Variants in AK5 observed in about 807,000 individuals in gnomAD.
AK5 encodes adenylate kinase 5, also known as adenylate kinase isoenzyme 5.
AK5 carries 27 observed loss-of-function variants against 69.5 expected under a neutral mutation model. The observed-to-expected ratio is 0.39, with a 90% CI of 0.29 to 0.54. The LOEUF is 0.54. Among genes scored for constraint, AK5 ranks in the 20% least tolerant of loss-of-function variants. The pLI is 0.71. For synonymous variants in AK5, 260 were observed against 244.4 expected (o/e 1.06, Z -0.60); for missense variants, 531 against 700.4 (o/e 0.76, Z 2.73).
chr1:77,284,576 A>G (rs1355992562), intron 1 of AK5, among the ~76,000 whole-genome samples: 1 of 152,158 alleles, frequency 6.6e-6, no homozygotes, highest in East Asian at 1.9e-4. Flanking sequence ...CCAGTTTTAG[A>G]CTTTTTTAAA....
intron 8 of AK5, among the ~76,000 whole-genome samples, chr1:77,424,338 G>A (rs898867377): frequency 7.2e-5 from 11 of 152,034 alleles, no homozygotes; most frequent in Admixed American, 1.3e-4. Flanking sequence ...ATAGCTCACT[G>A]CAGCCTTGAG....
intron 7 of AK5, among the ~76,000 whole-genome samples, chr1:77,415,279 C>T (rs1407262900): frequency 6.6e-6 from 1 of 152,154 alleles, no homozygotes; most frequent in African/African-American, 2.4e-5. Flanking sequence ...GTTTAAGAGC[C>T]TTTCACATTG....
chr1:77,407,019 G>C lies in AK5; in HGVS notation c.892-3962G>C, dbSNP rs1649701945. ...CAACAAGGTCAAATTGTCAATGTCT[G>C]GCATCCAGTAAAAAATTACCAGGCA... On this transcript the variant is annotated intron_variant, in intron 6 of 13. Transcript: ENST00000354567. Among the ~76,000 whole-genome samples, 3 of 151,640 alleles carry C rather than the reference G, an allele frequency of 2.0e-5. No homozygotes were observed. The East Asian group carries it at 5.8e-4, about 29-fold the overall frequency.
chr1:77,558,731 A>C lies in AK5; in HGVS notation c.*61A>C. On this transcript the variant is annotated 3_prime_UTR_variant, in exon 14 of 14. Transcript: ENST00000354567. ...AAAACATTAAAAAGTTCATTCCTTA[A>C]CACAATGTTTCAAGTTAAACCTTTT... 8.3e-7 allele frequency: 1 copy of C among 1,206,740 alleles called. No individual in the cohort carries two copies. Among genetic ancestry groups the C allele is most frequent in the Non-Finnish European group, 1.2e-6 (1 of 813,796 alleles). The allele number at this position is 1,206,740 out of a possible 1,614,324, so 74.8% of individuals were successfully genotyped here. A position where few individuals can be genotyped will look rare whatever the true frequency, so the allele number is the denominator to read the frequency against.
chr1:77,449,601 G>A (rs1229230250), intron 8 of AK5, among the ~76,000 whole-genome samples: 1 of 152,184 alleles, frequency 6.6e-6, no homozygotes, highest in African/African-American at 2.4e-5. Context: ...CTGTTGAGAA[G>A]GCATGATTGG....
chr1:77,359,151 A>G lies in AK5; in HGVS notation c.891+18583A>G, dbSNP rs549520549. ...GTGCCTGTAGTCCCAGCTACTCAGG[A>G]GGCTGAGGCAGAAGAATGGCGTGAA... On this transcript the variant is annotated intron_variant, in intron 6 of 13. Coordinates refer to ENST00000354567, the MANE Select transcript of AK5 (RefSeq NM_174858.3). 5.0e-3 allele frequency among the ~76,000 whole-genome samples: 759 copies of G among 151,998 alleles called. 6 individuals are homozygous for G. Among genetic ancestry groups the G allele is most frequent in the Middle Eastern group, 0.024 (7 of 292 alleles).
At chr1:77,491,709 T>TTTAA in intron 10 of AK5, among the ~76,000 whole-genome samples, 1 of 152,356 alleles carries the variant, frequency 6.6e-6, no homozygotes, top group Admixed American at 6.5e-5. Context: ...CTCGGATTAT[T>TTTAA]TTAACTCAGT....
intron 6 of AK5, among the ~76,000 whole-genome samples, chr1:77,372,757 ATGTG>A (rs79604774): frequency 1.4e-5 from 2 of 139,174 alleles, no homozygotes. Flanking sequence ...TCTAAATAAA[ATGTG>A]TGTGTGTGTG....
chr1:77,436,163 T>G (rs1014880170), intron 8 of AK5, among the ~76,000 whole-genome samples: 1 of 152,170 alleles, frequency 6.6e-6, no homozygotes, highest in African/African-American at 2.4e-5. Context: ...ACTGGTTCCT[T>G]TCTGTCTTGT....
chr1:77,491,936 C>T (rs1311776497), intron 10 of AK5, among the ~76,000 whole-genome samples: 1 of 152,164 alleles, frequency 6.6e-6, no homozygotes, highest in Admixed American at 6.5e-5. Flanking sequence ...GCAAAAATCA[C>T]TGCCTGTTGT....
chr1:77,340,489 C>T lies in AK5; in HGVS notation c.812C>T (p.Thr271Ile), dbSNP rs867016022. The change falls in exon 6 of 14, where the codon ACC becomes ATC. Residue 271 changes from threonine to isoleucine, a missense_variant. By Grantham distance (89) the Thr-to-Ile change is moderately conservative. Transcript: ENST00000354567. Reference sequence around the variant, plus strand: ...CGACCAGACGACAATGTAAAAGCTACCCAAAGGAGACTAATGAACTTCAAG... The same window carrying T: ...CGACCAGACGACAATGTAAAAGCTATCCAAAGGAGACTAATGAACTTCAAG... ...QGRPDDNVKA[T>I]QRRLMNFKQN... 6.2e-7 allele frequency: 1 copy of T among 1,614,094 alleles called. No individual in the cohort carries two copies. The highest frequency in any genetic ancestry group is 8.5e-7 in the Non-Finnish European group (1 of 1,179,990).
At chr1:77,441,433 C>G (rs1040306465) in intron 8 of AK5, among the ~76,000 whole-genome samples, 7 of 152,156 alleles carry the variant, frequency 4.6e-5, no homozygotes, top group African/African-American at 1.7e-4. Context: ...TCCAAACTTT[C>G]TAGAGTGGCT....
chr1:77,503,821 C>T (rs1279560464), intron 10 of AK5, among the ~76,000 whole-genome samples: 1 of 151,694 alleles, frequency 6.6e-6, no homozygotes, highest in Non-Finnish European at 1.5e-5. Context: ...AGGAGAATTG[C>T]TTGAACCCAG....
intron 10 of AK5, among the ~76,000 whole-genome samples, chr1:77,494,720 T>G (rs576806089): frequency 6.6e-6 from 1 of 152,076 alleles, no homozygotes; most frequent in Non-Finnish European, 1.5e-5. Flanking sequence ...AATAGCAAGA[T>G]TAAAACTAAC....
chr1:77,537,425 G>C (rs780501922), intron 13 of AK5, among the ~76,000 whole-genome samples: 4 of 152,174 alleles, frequency 2.6e-5, no homozygotes, highest in Non-Finnish European at 5.9e-5. Context: ...TACCAAAGGG[G>C]CAGGAATAAT....
rs551466249 is a variant in AK5 at position 77,450,033 on chromosome 1, C to G, written c.1059+32318C>G. On this transcript the variant is annotated intron_variant, in intron 8 of 13. Transcript: ENST00000354567. ...ACCAGATACCCTAAGTCATCTCTCT[C>G]AAGTTCAAAGTTCCACAAATCTCTA... Among the ~76,000 whole-genome samples the G allele has an allele frequency of 3.9e-5, 6 of 152,272 alleles. No individual in the cohort carries two copies. The South Asian group carries it at 8.3e-4, about 21-fold the overall frequency.
chr1:77,477,795 T>C (rs1260214746), intron 8 of AK5, among the ~76,000 whole-genome samples: 3 of 152,144 alleles, frequency 2.0e-5, no homozygotes, highest in Admixed American at 2.0e-4. Flanking sequence ...TAAGCCCCTT[T>C]CTCATAACCC....
chr1:77,313,724 T>A (rs2100300635), intron 5 of AK5: 4 of 473,858 alleles, frequency 8.4e-6, no homozygotes, highest in Admixed American at 2.3e-5. Context: ...TTGCTTTCCG[T>A]ACCCTGTGGT....
intron 10 of AK5, among the ~76,000 whole-genome samples, chr1:77,513,938 A>G (rs1657495673): frequency 6.6e-6 from 1 of 152,198 alleles, no homozygotes; most frequent in South Asian, 2.1e-4. Context: ...AAAGAACACC[A>G]GGTACCGAAG....
Sources: gnomAD v4.1 joint callset for allele counts (sites outside exome capture counted in the v4.1 genomes callset) on GRCh38, gnomAD v4.1.1 for gene constraint, MANE v1.5 for transcripts, NCBI Gene and HGNC (gene_info 2026-07-23, HGNC 2026-07-21) for gene names.